The following MIAT variants were observed in gnomAD, a reference collection of about 807,000 sequenced individuals.
MIAT encodes the protein MI related novel mRNA.
chr22:26,676,346 C>T (rs547725488), exon 5 of MIAT: 6 of 398,510 alleles, frequency 1.5e-5, no homozygotes, highest in Non-Finnish European at 2.2e-5. Context: ...AGAAATTTCT[C>T]TGTAGATTAA....
chr22:26,659,204 C>T (rs1001841949), intron 2 of MIAT, among the ~76,000 whole-genome samples: 3 of 152,144 alleles, frequency 2.0e-5, no homozygotes, highest in Admixed American at 6.5e-5. Flanking sequence ...CCCACCTCGC[C>T]CCTCAACTTT....
At chr22:26,670,483 C>T, downstream of MIAT, 1 of 397,754 alleles carries the variant, frequency 2.5e-6, no homozygotes, top group Non-Finnish European at 4.4e-6. Flanking sequence ...CAGTCTGGAA[C>T]AGCTTCCTAG....
intron 3 of MIAT, among the ~76,000 whole-genome samples, chr22:26,663,774 A>G (rs1930752312): frequency 1.3e-5 from 2 of 152,144 alleles, no homozygotes; most frequent in South Asian, 4.1e-4. Context: ...TTTAAAGCAC[A>G]CATTTCAATG....
At chr22:26,651,310 T>C (rs1930332143) in intron 2 of MIAT, among the ~76,000 whole-genome samples, 1 of 152,114 alleles carries the variant, frequency 6.6e-6, no homozygotes, top group Non-Finnish European at 1.5e-5. Context: ...AGAAAAGAGA[T>C]CCCCTGATCC....
At chr22:26,657,756 A>G (rs922790031) in intron 2 of MIAT, 4 of 398,178 alleles carry the variant, frequency 1.0e-5, no homozygotes, top group African/African-American at 8.2e-5. Context: ...GGTAGGTCCC[A>G]GAGTCCCAGG....
chr22:26,669,702 C>T, downstream of MIAT: 1 of 399,248 alleles, frequency 2.5e-6, no homozygotes, highest in Non-Finnish European at 4.4e-6. Context: ...TTCCCGCCCC[C>T]ACCCAGGGAT....
chr22:26,668,690 T>C, exon 6 of MIAT: 1 of 399,148 alleles, frequency 2.5e-6, no homozygotes, highest in Non-Finnish European at 4.4e-6. Context: ...CGGGTGCCGC[T>C]GGCTGGAGTC....
At position 26,663,958 on chromosome 22, in the gene MIAT, C is replaced by T. The variant is rs866857344; in HGVS notation, n.729+560C>T. ...TGCTTTCTCAGAAGTAGATTGGATTCTTTTTTTTTTTTAATGTTCCATATA... is the reference window on the plus strand; with the variant it reads ...TGCTTTCTCAGAAGTAGATTGGATTTTTTTTTTTTTTTAATGTTCCATATA... On this transcript the variant is annotated intron_variant and non_coding_transcript_variant, in intron 3 of 5. Transcript: ENST00000643270. 3.9e-3 allele frequency among the ~76,000 whole-genome samples: 511 copies of T among 132,102 alleles called. 4 individuals are homozygous for T. The highest frequency in any genetic ancestry group is 0.014 in the African/African-American group (482 of 33,784). 86.7% of individuals were successfully genotyped at this position (132,102 alleles called of 152,430 possible).
chr22:26,674,044 A>G (rs1020954577), downstream of MIAT: 3 of 398,574 alleles, frequency 7.5e-6, no homozygotes, highest in African/African-American at 4.1e-5. Flanking sequence ...CATTTTGTAT[A>G]GAGTCACCCT....
intron 2 of MIAT, among the ~76,000 whole-genome samples, chr22:26,654,395 ACAGT>A (rs1342100294): frequency 6.6e-6 from 1 of 152,212 alleles, no homozygotes; most frequent in Non-Finnish European, 1.5e-5. Context: ...TGATAGACTG[ACAGT>A]CAGGAGAATT....
chr22:26,646,781 C>T (rs1331791975), exon 1 of MIAT: 3 of 398,512 alleles, frequency 7.5e-6, no homozygotes, highest in Non-Finnish European at 1.3e-5. Flanking sequence ...GTGCTTTCCC[C>T]AAGAGCTTTG....
intron 2 of MIAT, among the ~76,000 whole-genome samples, chr22:26,653,919 T>C (rs1208830180): frequency 1.3e-5 from 2 of 152,204 alleles, no homozygotes; most frequent in East Asian, 3.8e-4. Context: ...TTTGTATTTT[T>C]AGTAGAGACA....
intron 2 of MIAT, among the ~76,000 whole-genome samples, chr22:26,649,540 C>A (rs11913541): frequency 0.13 from 20,460 of 152,204 alleles, 1,425 homozygotes; most frequent in East Asian, 0.16. Context: ...GATGAGGGCA[C>A]ATGCTTGGTC....
At chr22:26,661,180 G>A (rs989582931) in intron 2 of MIAT, among the ~76,000 whole-genome samples, 3 of 152,170 alleles carry the variant, frequency 2.0e-5, no homozygotes, top group African/African-American at 7.2e-5. Context: ...TCAATGGGCT[G>A]GTGAATAACT....
chr22:26,656,703 T>C (rs908434584), intron 2 of MIAT, among the ~76,000 whole-genome samples: 4 of 152,200 alleles, frequency 2.6e-5, no homozygotes, highest in Non-Finnish European at 5.9e-5. Flanking sequence ...CTAGCATCCC[T>C]ACTCTAGAAA....
At chr22:26,652,043 G>T (rs4820694) in intron 2 of MIAT, among the ~76,000 whole-genome samples, 68,966 of 152,040 alleles carry the variant, frequency 0.45, 15,846 homozygotes, top group Middle Eastern at 0.52. Flanking sequence ...GCCCATGCTG[G>T]AGTGCAGTGG....
At chr22:26,661,959 T>TATAC (rs1382274918) in intron 2 of MIAT, among the ~76,000 whole-genome samples, 1 of 54,322 alleles carries the variant, frequency 1.8e-5, no homozygotes, top group Non-Finnish European at 4.2e-5. Context: ...TATATATATA[T>TATAC]ATACACACAC....
At chr22:26,669,990 C>G, downstream of MIAT, 2 of 398,240 alleles carry the variant, frequency 5.0e-6, no homozygotes, top group Non-Finnish European at 8.8e-6. Flanking sequence ...AGCACAGTGC[C>G]TGACTCCCAG....
downstream of MIAT, chr22:26,670,272 T>C (rs1226929065): frequency 1.5e-5 from 6 of 398,420 alleles, no homozygotes; most frequent in Non-Finnish European, 2.7e-5. Flanking sequence ...CTTTGGGCCC[T>C]TTCCCGTGCT....
Sources: allele counts gnomAD v4.1 joint callset (sites outside exome capture counted in the v4.1 genomes callset), GRCh38; gene constraint gnomAD v4.1.1; transcripts MANE v1.5; gene names NCBI Gene and HGNC (gene_info 2026-07-23, HGNC 2026-07-21).